The following PICALM variants were observed in gnomAD, a reference collection of about 807,000 sequenced individuals.
PICALM encodes the protein phosphatidylinositol binding clathrin assembly protein, also known as phosphatidylinositol-binding clathrin assembly protein.
Under a neutral mutation model 80.5 loss-of-function variants are expected in PICALM, and 40 were observed. The observed-to-expected ratio is 0.50, with a 90% confidence interval of 0.39 to 0.65. The LOEUF (loss-of-function observed/expected upper bound fraction) is 0.65. Ranked by LOEUF, PICALM falls within the 30% of genes least tolerant of loss-of-function variation. The pLI, the probability that PICALM is intolerant of heterozygous loss-of-function variation, is 0.00. For synonymous variants in PICALM, 288 were observed against 260.3 expected (o/e 1.11, Z -1.02); for missense variants, 676 against 778.9 (o/e 0.87, Z 1.57).
chr11:86,050,204 C>CAA (rs766728047), intron 1 of PICALM, among the ~76,000 whole-genome samples: 886 of 81,594 alleles, frequency 0.011, 18 homozygotes, highest in Middle Eastern at 0.016. Context: ...GACTCTGTCT[C>CAA]AAAAAAAAAA....
intron 6 of PICALM, 103 bp downstream of exon 6, chr11:86,012,178 T>C (rs1215691429): frequency 3.2e-5 from 17 of 538,644 alleles, no homozygotes; most frequent in Admixed American, 6.7e-5. Context: ...TGAATGAATA[T>C]ATCATAATAA....
rs918051102 is a variant in PICALM, at chr11:86,012,315, A to C, written c.624T>G (p.Phe208Leu). The change falls in exon 6 of 20, where the codon TTT becomes TTG. Residue 208 changes from phenylalanine to leucine, a missense_variant. This residue lies in a region of PICALM where 285 missense variants were observed against 395.4 expected (regional missense o/e 0.72). Transcript: ENST00000393346. ...MLLFKDAIRL[F>L]AAYNEGIINL... ...TAATAATTCCTTCATTGTATGCTGC[A>C]AACAGTCTAATGGCATCTTTGAACA... The C allele has an allele frequency of 1.2e-6, 2 of 1,607,354 alleles. No homozygotes were observed. Among genetic ancestry groups the C allele is most frequent in the Non-Finnish European group, 1.7e-6 (2 of 1,174,834 alleles).
At chr11:86,025,661 C>G (rs753546992) in intron 3 of PICALM, among the ~76,000 whole-genome samples, 7 of 151,860 alleles carry the variant, frequency 4.6e-5, no homozygotes, top group Non-Finnish European at 1.0e-4. Context: ...TGGGTTCAAG[C>G]GATTCTCCTG....
At chr11:86,054,811 T>G (rs567803071) in intron 1 of PICALM, among the ~76,000 whole-genome samples, 1 of 152,134 alleles carries the variant, frequency 6.6e-6, no homozygotes, top group Non-Finnish European at 1.5e-5. Flanking sequence ...GTTTCACTCT[T>G]GTTGCTCAGG....
intron 13 of PICALM, among the ~76,000 whole-genome samples, chr11:85,985,605 A>G (rs1469276144): frequency 6.6e-6 from 1 of 152,188 alleles, no homozygotes; most frequent in East Asian, 1.9e-4. Flanking sequence ...TACCAATTTA[A>G]TAATATTTTT....
At chr11:86,044,141 T>C (rs1470442820) in intron 1 of PICALM, among the ~76,000 whole-genome samples, 1 of 152,220 alleles carries the variant, frequency 6.6e-6, no homozygotes, top group Non-Finnish European at 1.5e-5. Flanking sequence ...GGGAGGAATG[T>C]AATCAGTAAA....
Position 85,995,768 on chromosome 11 carries a change from A to G in PICALM, c.1258+1058T>C, listed in dbSNP as rs994927266. Among the ~76,000 whole-genome samples, 33 of 152,332 alleles carry G rather than the reference A, an allele frequency of 2.2e-4. 1 individual carries two copies. Among genetic ancestry groups the G allele is most frequent in the Admixed American group, 5.2e-4 (8 of 15,306 alleles). On this transcript the variant is annotated intron_variant, in intron 12 of 19. Transcript: ENST00000393346. ...TAATTAAGAATCCAAAAATCAGAAC[A>G]TAACATTAGGATATTAAGAAACTGC... is the stretch of plus-strand genomic sequence containing the variant.
intron 1 of PICALM, among the ~76,000 whole-genome samples, chr11:86,039,383 C>T (rs1017642135): frequency 2.6e-5 from 4 of 152,048 alleles, no homozygotes; most frequent in African/African-American, 9.7e-5. Context: ...GCCTGGGAAA[C>T]ACAGTGACAC....
intron 2 of PICALM, among the ~76,000 whole-genome samples, chr11:86,027,213 T>C (rs376708825): frequency 2.2e-4 from 33 of 152,344 alleles, no homozygotes; most frequent in African/African-American, 7.5e-4. Flanking sequence ...ATGGTCTCCA[T>C]GCATAAGTAT....
chr11:86,047,647 A>T (rs982003548), intron 1 of PICALM, among the ~76,000 whole-genome samples: 46 of 152,252 alleles, frequency 3.0e-4, no homozygotes, highest in Admixed American at 2.6e-3. Context: ...CAGAAGGGGT[A>T]AACTACGTTA....
intron 12 of PICALM, among the ~76,000 whole-genome samples, chr11:85,991,075 T>A (rs965195159): frequency 6.6e-6 from 1 of 152,182 alleles, no homozygotes; most frequent in Admixed American, 6.5e-5. Flanking sequence ...TAGAATGATA[T>A]AAATATGTAT....
At chr11:85,975,592 CTTTTTTTTTT>C (rs11407535) in intron 18 of PICALM, among the ~76,000 whole-genome samples, 1 of 89,642 alleles carries the variant, frequency 1.1e-5, no homozygotes, top group Non-Finnish European at 2.0e-5. Flanking sequence ...TCTCAGCAGA[CTTTTTTTTTT>C]TTTTTTTTTT....
intron 1 of PICALM, among the ~76,000 whole-genome samples, chr11:86,044,827 A>G (rs926891425): frequency 1.3e-5 from 2 of 152,012 alleles, no homozygotes; most frequent in Non-Finnish European, 1.5e-5. Context: ...TAGGCTGTGC[A>G]CTCCTTATGA....
intron 19 of PICALM, among the ~76,000 whole-genome samples, chr11:85,959,437 G>C (rs1017600958): frequency 6.6e-6 from 1 of 151,676 alleles, no homozygotes; most frequent in Non-Finnish European, 1.5e-5. Context: ...GTTCGAGACT[G>C]GCCTGGCCAA....
At chr11:85,961,474 T>C (rs111562765) in intron 19 of PICALM, among the ~76,000 whole-genome samples, 1 of 152,224 alleles carries the variant, frequency 6.6e-6, no homozygotes, top group African/African-American at 2.4e-5. Flanking sequence ...TTAGAATCTG[T>C]CCTATTGTTT....
In PICALM at chr11:85,974,748, A is replaced by T; in HGVS notation, c.1904T>A (p.Met635Lys). ...AGGGCCAAAGGGGTTTGGAGGTCTC[A>T]TGACAGGCTGGCTGTATATTAAGGT... ...QPTLIYSQPVMRPPNPFGPVS... is the reference protein window; with the variant it reads ...QPTLIYSQPVKRPPNPFGPVS... The change falls in exon 19 of 20, where the codon ATG becomes AAG. Residue 635 changes from methionine to lysine, a missense_variant. This residue lies in a region of PICALM where 391 missense variants were observed against 383.6 expected (regional missense o/e 1.02). Transcript: ENST00000393346. 2.5e-6 allele frequency: 4 copies of T among 1,613,898 alleles called. No homozygotes were observed. Among genetic ancestry groups the T allele is most frequent in the Non-Finnish European group, 2.5e-6 (3 of 1,179,814 alleles).
chr11:86,062,249 G>A lies in PICALM; in HGVS notation c.130+6402C>T, dbSNP rs932301235. Among the ~76,000 whole-genome samples the A allele has an allele frequency of 6.6e-5, 10 of 152,322 alleles. No homozygotes were observed. The East Asian group carries it at 1.9e-3, about 29-fold the overall frequency. On this transcript the variant is annotated intron_variant, in intron 1 of 19. Coordinates refer to ENST00000393346, the MANE Select transcript of PICALM (RefSeq NM_007166.4). ...GAGTAAACCTTGGCCGGGCGCAGTG[G>A]CTCACGCCTGTAATCCCAACACTTT...
chr11:86,043,763 T>TA (rs1181605682), intron 1 of PICALM, among the ~76,000 whole-genome samples: 1 of 152,222 alleles, frequency 6.6e-6, no homozygotes, highest in African/African-American at 2.4e-5. Context: ...GTAGGTAGGT[T>TA]AAAGTTTTTC....
At chr11:86,003,780 A>G (rs955120839) in intron 8 of PICALM, 1 of 173,448 alleles carries the variant, frequency 5.8e-6, no homozygotes, top group Non-Finnish European at 1.2e-5. Flanking sequence ...AGCATGCAGA[A>G]GGTACTTAAT....
Sources: allele counts gnomAD v4.1 joint callset (sites outside exome capture counted in the v4.1 genomes callset), GRCh38; gene constraint gnomAD v4.1.1; regional missense constraint gnomAD v4.1.1; transcripts MANE v1.5; gene names NCBI Gene and HGNC (gene_info 2026-07-23, HGNC 2026-07-21).